Variants in CADPS observed in about 807,000 individuals in gnomAD.
The protein encoded by CADPS is calcium dependent secretion activator.
CADPS carries 57 observed loss-of-function variants against 167.3 expected under a neutral mutation model. The observed-to-expected ratio is 0.34, with a 90% CI of 0.28 to 0.42. CADPS has a LOEUF of 0.42. Among genes scored for constraint, CADPS ranks in the 20% least tolerant of loss-of-function variants. CADPS has a pLI of 1.00. For synonymous variants in CADPS, 676 were observed against 635.3 expected (o/e 1.06, Z -0.96); for missense variants, 1,414 against 1,738.1 (o/e 0.81, Z 3.32).
chr3:62,782,744 T>C (rs936585850), intron 1 of CADPS, among the ~76,000 whole-genome samples: 3 of 151,038 alleles, frequency 2.0e-5, no homozygotes, highest in Non-Finnish European at 4.4e-5. Context: ...GTTTTGCATA[T>C]AGTGTAGCAT....
chr3:62,475,075 C>T (rs565089764), intron 23 of CADPS, among the ~76,000 whole-genome samples: 76 of 152,078 alleles, frequency 5.0e-4, no homozygotes, highest in East Asian at 9.7e-4. Flanking sequence ...TTTATATGTA[C>T]GCTTAATATA....
intron 3 of CADPS, among the ~76,000 whole-genome samples, chr3:62,740,038 T>C (rs897098192): frequency 6.6e-6 from 1 of 152,184 alleles, no homozygotes; most frequent in African/African-American, 2.4e-5. Context: ...CTAATATATG[T>C]TGATTGCCAT....
intron 6 of CADPS, among the ~76,000 whole-genome samples, chr3:62,618,412 C>T (rs1394247753): frequency 6.6e-6 from 1 of 152,120 alleles, no homozygotes; most frequent in Non-Finnish European, 1.5e-5. Context: ...ATGTTTATGG[C>T]CTGAGTGATG....
intron 6 of CADPS, among the ~76,000 whole-genome samples, chr3:62,614,835 G>A (rs938464626): frequency 6.6e-5 from 10 of 152,170 alleles, no homozygotes; most frequent in African/African-American, 2.4e-4. Context: ...TCACTAACTA[G>A]CTATGTGATC....
rs148193366 is a variant in CADPS, at chr3:62,400,935, A to C, written c.3883-1350T>G. On this transcript the variant is annotated intron_variant, in intron 29 of 29. Transcript: ENST00000383710. Reference sequence around the variant, plus strand: ...TTTTAATAGTCCATCTAATGCGGTCATGATAGCAACAATCACAATGTCAAC... The same window carrying C: ...TTTTAATAGTCCATCTAATGCGGTCCTGATAGCAACAATCACAATGTCAAC... 7.1e-4 allele frequency among the ~76,000 whole-genome samples: 108 copies of C among 152,296 alleles called. 1 individual carries two copies. In the East Asian group the frequency reaches 0.018, roughly 26 times the overall value.
At chr3:62,837,054 A>G (rs2076001799) in intron 1 of CADPS, among the ~76,000 whole-genome samples, 1 of 152,192 alleles carries the variant, frequency 6.6e-6, no homozygotes, top group South Asian at 2.1e-4. Flanking sequence ...TAACTGAAAG[A>G]CATTAAAGCT....
chr3:62,433,474 A>G lies in CADPS; in HGVS notation c.3777+4630T>C, dbSNP rs898359894. The stretch of plus-strand genomic sequence containing the variant: ...TAACTGCCACGGAGAAGCCAAATGC[A>G]GAGTCAATCTGCAAATACTTAATCC... On this transcript the variant is annotated intron_variant, in intron 28 of 29. Transcript: ENST00000383710. The surrounding 1 kb of genome is among the most constrained non-coding windows in gnomAD (Gnocchi z 4.7). 2.6e-5 allele frequency among the ~76,000 whole-genome samples: 4 copies of G among 152,176 alleles called. No individual in the cohort carries two copies. Among genetic ancestry groups the G allele is most frequent in the African/African-American group, 9.6e-5 (4 of 41,460 alleles).
At chr3:62,715,500 A>T (rs866444510) in intron 3 of CADPS, among the ~76,000 whole-genome samples, 3 of 150,530 alleles carry the variant, frequency 2.0e-5, no homozygotes, top group Non-Finnish European at 3.0e-5. Context: ...TTGGTAAAAA[A>T]TGTTTTACAT....
rs545803350 is a variant in CADPS at position 62,432,832 on chromosome 3, C to T, written c.3777+5272G>A. On this transcript the variant is annotated intron_variant, in intron 28 of 29. Transcript: ENST00000383710. ...GTTCCAGAGGCAGGGCCCATGATCA[C>T]TGCACAGTAAGTCCCATTCAGGGCA... Among the ~76,000 whole-genome samples the T allele has an allele frequency of 3.9e-5, 6 of 152,330 alleles. No individual in the cohort carries two copies. In the South Asian group the frequency reaches 1.2e-3, roughly 32 times the overall value.
chr3:62,598,988 C>G (rs1192357020), intron 6 of CADPS, among the ~76,000 whole-genome samples: 1 of 152,138 alleles, frequency 6.6e-6, no homozygotes, highest in African/African-American at 2.4e-5. Context: ...GCATCAAAAA[C>G]CTTGGCCTTT....
At chr3:62,491,221 G>A (rs2063644591) in intron 21 of CADPS, 118 bp downstream of exon 21, 1 of 1,122,020 alleles carries the variant, frequency 8.9e-7, no homozygotes, top group Non-Finnish European at 1.3e-6. Flanking sequence ...AGAAATGTAT[G>A]GTGTTTCTCT....
At chr3:62,773,222 C>T (rs2089390034) in intron 1 of CADPS, among the ~76,000 whole-genome samples, 1 of 151,956 alleles carries the variant, frequency 6.6e-6, no homozygotes, top group Admixed American at 6.6e-5. Flanking sequence ...TAAATATTTT[C>T]TACTCTAAAG....
chr3:62,592,553 G>T, intron 7 of CADPS, 84 bp downstream of exon 7: 2 of 986,576 alleles, frequency 2.0e-6, no homozygotes, highest in South Asian at 1.4e-5. Context: ...ACTTGGCAAT[G>T]CTGCCTCTTG....
chr3:62,532,909 G>A lies in CADPS; in HGVS notation c.2253C>T (p.Tyr751=). ...CATGGGATGCACAGAAGGCAAAGCT[G>A]TAGTGAAGAAGGGTGGGGTCGATCA... ...GAMIDPTLLH[Y]SFAFCASHVH... is the part of the protein sequence containing the mutation. Residue 751 remains tyrosine (Y), a synonymous_variant, in exon 13 of 30, where the codon TAC becomes TAT. Transcript: ENST00000383710. 6.2e-7 allele frequency: 1 copy of A among 1,613,770 alleles called. No homozygotes were observed. Among genetic ancestry groups the A allele is most frequent in the Non-Finnish European group, 8.5e-7 (1 of 1,179,798 alleles).
chr3:62,680,620 T>C (rs956296750), intron 3 of CADPS, among the ~76,000 whole-genome samples: 4 of 152,080 alleles, frequency 2.6e-5, no homozygotes, highest in Non-Finnish European at 5.9e-5. Context: ...GCTGTGATAG[T>C]GGCTCAACTT....
At chr3:62,600,798 T>C (rs1562737876) in intron 6 of CADPS, among the ~76,000 whole-genome samples, 2 of 152,284 alleles carry the variant, frequency 1.3e-5, no homozygotes, top group Admixed American at 6.5e-5. Flanking sequence ...CATCTATAAA[T>C]TGGGGATAAG....
chr3:62,418,112 A>G (rs972110018), intron 28 of CADPS, among the ~76,000 whole-genome samples: 2 of 152,122 alleles, frequency 1.3e-5, no homozygotes, highest in African/African-American at 4.8e-5. Flanking sequence ...TAACAACCTT[A>G]AGAAGTAATG....
intron 28 of CADPS, among the ~76,000 whole-genome samples, chr3:62,410,503 C>T (rs1026489215): frequency 2.0e-5 from 3 of 152,176 alleles, no homozygotes; most frequent in Non-Finnish European, 4.4e-5. Context: ...GATGGAACAT[C>T]GACTTAAAAT....
rs370817794 is a variant in CADPS, at chr3:62,424,934, A to G, written c.3777+13170T>C. ...TAACAAATGGTTATTGAAGGCTTAC[A>G]TATGCCGGACACTAGTGGTGAATTA... On this transcript the variant is annotated intron_variant, in intron 28 of 29. Transcript: ENST00000383710. Among the ~76,000 whole-genome samples the G allele has an allele frequency of 8.5e-5, 13 of 152,340 alleles. No homozygotes were observed. In the South Asian group the frequency reaches 2.5e-3, roughly 29 times the overall value.
Sources: allele counts gnomAD v4.1 joint callset (sites outside exome capture counted in the v4.1 genomes callset), GRCh38; gene constraint gnomAD v4.1.1; non-coding constraint Gnocchi (gnomAD v3.1); transcripts MANE v1.5; gene names NCBI Gene and HGNC (gene_info 2026-07-23, HGNC 2026-07-21).